The following NUP107 variants were observed in gnomAD, a reference collection of about 807,000 sequenced individuals.
The protein encoded by NUP107 is nucleoporin 107, also known as nuclear pore complex protein Nup107.
Under a neutral mutation model 141.0 loss-of-function variants are expected in NUP107, and 101 were observed. The ratio of observed to expected loss-of-function variants is 0.72; its 90% CI spans 0.61 to 0.84. The LOEUF is 0.84. Ranked by LOEUF, NUP107 falls within the 40% of genes least tolerant of loss-of-function variation. The pLI is 0.00. For synonymous variants in NUP107, 319 were observed against 363.9 expected, an observed-to-expected ratio of 0.88 and a Z score of 1.41; for missense variants, 941 against 1,102.7, an observed-to-expected ratio of 0.85 and a Z score of 2.08.
chr12:68,708,917 C>A (rs527666150), intron 8 of NUP107, among the ~76,000 whole-genome samples: 2 of 152,216 alleles, frequency 1.3e-5, no homozygotes, highest in South Asian at 4.1e-4. Context: ...CCATGCCTGG[C>A]CTATTAAAGT....
chr12:68,697,994 C>T (rs1293178381), intron 6 of NUP107, among the ~76,000 whole-genome samples: 1 of 150,564 alleles, frequency 6.6e-6, no homozygotes, highest in Non-Finnish European at 1.5e-5. Context: ...AGCCACTGCA[C>T]TCCAGCCCGG....
At chr12:68,689,755 C>T (rs1875689623) in intron 3 of NUP107, 136 bp downstream of exon 3, 1 of 629,684 alleles carries the variant, frequency 1.6e-6, no homozygotes, top group South Asian at 2.0e-5. Flanking sequence ...AGTTATTATT[C>T]GTTTGAACTC....
intron 1 of NUP107, among the ~76,000 whole-genome samples, chr12:68,688,632 G>C (rs977157251): frequency 1.3e-5 from 2 of 152,130 alleles, no homozygotes; most frequent in Non-Finnish European, 2.9e-5. Context: ...AATCCAACAA[G>C]GGAAATAAGA....
chr12:68,729,960 T>G (rs1452464403), intron 20 of NUP107, among the ~76,000 whole-genome samples: 1 of 150,970 alleles, frequency 6.6e-6, no homozygotes, highest in African/African-American at 2.4e-5. Flanking sequence ...TATATTTAAA[T>G]TAATGTATTT....
At chr12:68,738,401 A>G (rs1415329580) in intron 26 of NUP107, among the ~76,000 whole-genome samples, 1 of 151,752 alleles carries the variant, frequency 6.6e-6, no homozygotes, top group Non-Finnish European at 1.5e-5. Context: ...CAGTGAGCCA[A>G]GATTGCGCCA....
intron 5 of NUP107, among the ~76,000 whole-genome samples, chr12:68,695,095 A>G (rs1004846899): frequency 6.6e-6 from 1 of 152,224 alleles, no homozygotes; most frequent in Non-Finnish European, 1.5e-5. Context: ...CAAACCAACA[A>G]CAAGAACAAA....
At chr12:68,724,222 AC>A (rs1877465757) in intron 17 of NUP107, among the ~76,000 whole-genome samples, 1 of 152,086 alleles carries the variant, frequency 6.6e-6, no homozygotes, top group South Asian at 2.1e-4. Context: ...TTCCATTTAA[AC>A]GAGTGACCAA....
In NUP107 at chr12:68,731,724, T is replaced by G. The variant is rs963060665; in HGVS notation, c.1998+5T>G. 2.7e-6 allele frequency: 4 copies of G among 1,454,628 alleles called. No individual in the cohort carries two copies. Among genetic ancestry groups the G allele is most frequent in the Middle Eastern group, 1.7e-4 (1 of 5,718 alleles). The allele number at this position is 1,454,628 out of a possible 1,614,324, so 90.1% of individuals were successfully genotyped here. On this transcript the variant is annotated splice_donor_5th_base_variant and intron_variant, in intron 22 of 27. Coordinates refer to ENST00000229179, the MANE Select transcript of NUP107 (RefSeq NM_020401.4). ...CTAGATACTGGCACTACTGAGGTAA[T>G]TTGGGATGGGGGGGCAGAGGTTTCT...
intron 6 of NUP107, among the ~76,000 whole-genome samples, chr12:68,699,286 T>C (rs1366628813): frequency 2.6e-5 from 4 of 152,110 alleles, no homozygotes; most frequent in African/African-American, 9.6e-5. Flanking sequence ...GGTGGGAGAA[T>C]CGCTTGAACC....
chr12:68,735,144 C>T, intron 25 of NUP107, 87 bp from the exon 26 acceptor site: 1 of 906,638 alleles, frequency 1.1e-6, no homozygotes, highest in Non-Finnish European at 1.8e-6. Flanking sequence ...GAATGATGTT[C>T]TATATGTATG....
intron 6 of NUP107, 55 bp from the exon 7 acceptor site, chr12:68,700,671 C>T (rs780230835): frequency 1.5e-4 from 199 of 1,303,522 alleles, no homozygotes; most frequent in Non-Finnish European, 2.0e-4. Flanking sequence ...ACAAACTTAT[C>T]AGTGACTCAA....
intron 9 of NUP107, among the ~76,000 whole-genome samples, 199 bp downstream of exon 9, chr12:68,709,508 T>G (rs953357897): frequency 2.0e-5 from 3 of 152,176 alleles, no homozygotes; most frequent in Non-Finnish European, 2.9e-5. Flanking sequence ...AGGAATAGCC[T>G]GTTAAAAACG....
intron 5 of NUP107, among the ~76,000 whole-genome samples, chr12:68,695,207 A>G (rs1487172374): frequency 6.6e-6 from 1 of 152,258 alleles, no homozygotes; most frequent in Admixed American, 6.5e-5. Context: ...GGAAAACAGT[A>G]TGGCAGTTCC....
intron 26 of NUP107, among the ~76,000 whole-genome samples, chr12:68,736,503 A>G (rs1878072609): frequency 6.6e-6 from 1 of 151,756 alleles, no homozygotes; most frequent in Admixed American, 6.6e-5. Flanking sequence ...TGCAGCCTCA[A>G]ACTTCTGGGC....
Position 68,725,752 on chromosome 12 carries a change from A to T in NUP107, c.1532A>T (p.His511Leu). The change falls in exon 18 of 28, where the codon CAT (histidine) becomes CTT (leucine). Residue 511 changes from histidine (H) to leucine (L), a missense_variant. Physicochemically the swap from His to Leu is moderately conservative, Grantham distance 99. Transcript: ENST00000229179. Reference protein sequence around the residue: ...KKRVLEENQEHYHIVQKFLIL... With the variant: ...KKRVLEENQELYHIVQKFLIL... Reference sequence around the variant, plus strand: ...AGAGTTCTGGAAGAGAATCAAGAACATTATCATATAGTTCAAAAGTTTCTT... The same window carrying T: ...AGAGTTCTGGAAGAGAATCAAGAACTTTATCATATAGTTCAAAAGTTTCTT... The T allele has an allele frequency of 1.3e-6, 2 of 1,532,520 alleles. No individual in the cohort carries two copies. Among genetic ancestry groups the T allele is most frequent in the Non-Finnish European group, 1.8e-6 (2 of 1,126,610 alleles). The allele number at this position is 1,532,520 out of a possible 1,614,324, so 94.9% of individuals were successfully genotyped here.
At chr12:68,697,006 T>C (rs753715094) in intron 6 of NUP107, 84 bp downstream of exon 6, 3 of 776,994 alleles carry the variant, frequency 3.9e-6, no homozygotes, top group East Asian at 2.6e-5. Flanking sequence ...TCATAGTGTT[T>C]AAGGGAGGTG....
chr12:68,690,225 A>G (rs1046636270), intron 3 of NUP107, among the ~76,000 whole-genome samples: 1 of 151,410 alleles, frequency 6.6e-6, no homozygotes, highest in Non-Finnish European at 1.5e-5. Flanking sequence ...TCTGAGACAG[A>G]AAAAAAAGAG....
At chr12:68,697,008 A>T in intron 6 of NUP107, 86 bp downstream of exon 6, 1 of 763,910 alleles carries the variant, frequency 1.3e-6, no homozygotes, top group Non-Finnish European at 2.1e-6. Flanking sequence ...ATAGTGTTTA[A>T]GGGAGGTGTC....
intron 20 of NUP107, among the ~76,000 whole-genome samples, chr12:68,729,040 A>G (rs1449475314): frequency 6.6e-6 from 1 of 152,152 alleles, no homozygotes; most frequent in East Asian, 1.9e-4. Flanking sequence ...AAGGGTTTAT[A>G]GTATTGCACT....
Sources: allele counts gnomAD v4.1 joint callset (sites outside exome capture counted in the v4.1 genomes callset), GRCh38; gene constraint gnomAD v4.1.1; transcripts MANE v1.5; gene names NCBI Gene and HGNC (gene_info 2026-07-23, HGNC 2026-07-21).